Variants in NDST4 observed in about 807,000 individuals in gnomAD.
NDST4 encodes the protein N-deacetylase and N-sulfotransferase 4.
Under a neutral mutation model 100.8 loss-of-function variants are expected in NDST4, and 63 were observed. That is an observed-to-expected ratio of 0.62 (90% confidence interval 0.51 to 0.77). NDST4 has a LOEUF of 0.77. Among genes scored for constraint, NDST4 ranks in the 30% least tolerant of loss-of-function variants. NDST4 has a pLI of 0.00. For missense variants in NDST4, 943 were observed against 1,018.4 expected (o/e 0.93, Z 1.01); for synonymous variants, 377 against 361.8 (o/e 1.04, Z -0.48).
At chr4:114,867,787 T>C (rs1467244378) in intron 7 of NDST4, among the ~76,000 whole-genome samples, 1 of 151,906 alleles carries the variant, frequency 6.6e-6, no homozygotes, top group African/African-American at 2.4e-5. Context: ...TTAAGAGTCT[T>C]ACACACTAAG....
At position 114,897,363 on chromosome 4, in the gene NDST4, T is replaced by C. The variant is rs540984267; in HGVS notation, c.1537-26413A>G. 5.9e-5 allele frequency among the ~76,000 whole-genome samples: 9 copies of C among 152,338 alleles called. No individual in the cohort carries two copies. The East Asian group carries it at 1.5e-3, about 26-fold the overall frequency. On this transcript the variant is annotated intron_variant, in intron 6 of 13. Transcript: ENST00000264363. ...TTTAAGATTGACTTCTTTCACTTAATAATATACATTTAAGTTTCTTCCATG... is the reference window on the plus strand; with the variant it reads ...TTTAAGATTGACTTCTTTCACTTAACAATATACATTTAAGTTTCTTCCATG...
chr4:114,832,705 A>G (rs1217971335), intron 12 of NDST4, among the ~76,000 whole-genome samples: 1 of 152,114 alleles, frequency 6.6e-6, no homozygotes. Flanking sequence ...TATTGTAACA[A>G]GTAGAATGTA....
Position 114,910,803 on chromosome 4 carries a change from T to A in NDST4, c.1536+24403A>T, listed in dbSNP as rs531038752. Among the ~76,000 whole-genome samples the A allele has an allele frequency of 2.0e-5, 3 of 152,350 alleles. No individual in the cohort carries two copies. The East Asian group carries it at 5.8e-4, about 29-fold the overall frequency. ...CCAGTATTCCACATCTTAGTAAACA[T>A]GCTTTCACTCACCTGCTCTTCAGGC... On this transcript the variant is annotated intron_variant, in intron 6 of 13. Coordinates refer to ENST00000264363, the MANE Select transcript of NDST4 (RefSeq NM_022569.3).
chr4:114,923,274 T>C (rs1163248097), intron 6 of NDST4, among the ~76,000 whole-genome samples: 1 of 152,182 alleles, frequency 6.6e-6, no homozygotes. Flanking sequence ...ATATTTTTAT[T>C]TTCACTGTAT....
chr4:115,066,707 T>G (rs1466670480), intron 2 of NDST4, among the ~76,000 whole-genome samples: 1 of 152,178 alleles, frequency 6.6e-6, no homozygotes, highest in Non-Finnish European at 1.5e-5. Context: ...AAATAGTACA[T>G]TGAATTCTCA....
chr4:114,830,735 G>T (rs1723178759), intron 12 of NDST4, among the ~76,000 whole-genome samples: 2 of 152,180 alleles, frequency 1.3e-5, no homozygotes. Flanking sequence ...ACATCGAAAA[G>T]GTTTGCATTT....
chr4:114,934,581 A>AAAAAAT (rs1725586347), intron 6 of NDST4, among the ~76,000 whole-genome samples: 1 of 151,358 alleles, frequency 6.6e-6, no homozygotes, highest in African/African-American at 2.4e-5. Context: ...ATAAAAATAA[A>AAAAAAT]AAAAATAAAA....
At chr4:115,024,026 C>T (rs901881502) in intron 2 of NDST4, among the ~76,000 whole-genome samples, 2 of 152,122 alleles carry the variant, frequency 1.3e-5, no homozygotes, top group Non-Finnish European at 1.5e-5. Context: ...TGGCAGTGAC[C>T]ATATGGTGCT....
intron 4 of NDST4, among the ~76,000 whole-genome samples, chr4:114,946,987 T>C (rs1269381662): frequency 2.6e-5 from 4 of 152,146 alleles, no homozygotes; most frequent in African/African-American, 9.7e-5. Context: ...GTCGATTTTT[T>C]TTCATTGAAA....
chr4:114,923,466 A>T (rs1725327910), intron 6 of NDST4, among the ~76,000 whole-genome samples: 1 of 152,166 alleles, frequency 6.6e-6, no homozygotes, highest in Non-Finnish European at 1.5e-5. Context: ...AATAAAATCT[A>T]GCATTTTGAA....
chr4:114,947,250 G>A (rs999470750), intron 4 of NDST4, among the ~76,000 whole-genome samples: 1 of 152,092 alleles, frequency 6.6e-6, no homozygotes, highest in African/African-American at 2.4e-5. Context: ...CCAGGGTTGA[G>A]GCTCTATAGG....
intron 6 of NDST4, among the ~76,000 whole-genome samples, chr4:114,918,368 A>C (rs1354836795): frequency 8.0e-6 from 1 of 124,968 alleles, no homozygotes; most frequent in Non-Finnish European, 1.6e-5. Context: ...CAGGAAGAGG[A>C]ATATCACACT....
chr4:115,068,978 G>GAGAA (rs1729013493), intron 2 of NDST4, among the ~76,000 whole-genome samples: 1 of 152,016 alleles, frequency 6.6e-6, no homozygotes. Context: ...CTAGATGTAT[G>GAGAA]AGAAAAACTG....
chr4:114,978,555 A>T, intron 2 of NDST4, among the ~76,000 whole-genome samples: 1 of 152,122 alleles, frequency 6.6e-6, no homozygotes, highest in East Asian at 1.9e-4. Flanking sequence ...TATTAAAAAT[A>T]CATTTCTCAT....
At chr4:114,855,747 G>T (rs1723779467) in intron 7 of NDST4, among the ~76,000 whole-genome samples, 1 of 152,126 alleles carries the variant, frequency 6.6e-6, no homozygotes, top group Admixed American at 6.5e-5. Flanking sequence ...GATGACTTTG[G>T]CTATTCTGGG....
At chr4:114,879,536 ATTTG>A (rs1162374993) in intron 6 of NDST4, among the ~76,000 whole-genome samples, 1 of 152,028 alleles carries the variant, frequency 6.6e-6, no homozygotes, top group Non-Finnish European at 1.5e-5. Flanking sequence ...CATATTATGT[ATTTG>A]TTTGGGTATT....
At chr4:114,868,958 ATATATAT>A (rs1371132239) in intron 7 of NDST4, among the ~76,000 whole-genome samples, 1 of 148,948 alleles carries the variant, frequency 6.7e-6, no homozygotes, top group Non-Finnish European at 1.5e-5. Flanking sequence ...ATATATATAT[ATATATAT>A]ATTTCTTATA....
chr4:114,901,433 A>G (rs1327490172), intron 6 of NDST4, among the ~76,000 whole-genome samples: 1 of 152,032 alleles, frequency 6.6e-6, no homozygotes, highest in East Asian at 1.9e-4. Flanking sequence ...CTCTGTCTGA[A>G]GTTAATATAT....
At chr4:114,850,064 T>A (rs949229831) in intron 8 of NDST4, among the ~76,000 whole-genome samples, 1 of 152,186 alleles carries the variant, frequency 6.6e-6, no homozygotes, top group Admixed American at 6.5e-5. Context: ...AAATACTTTT[T>A]AAGATAACAC....
Sources: allele counts gnomAD v4.1 joint callset (sites outside exome capture counted in the v4.1 genomes callset), GRCh38; gene constraint gnomAD v4.1.1; transcripts MANE v1.5; gene names NCBI Gene and HGNC (gene_info 2026-07-23, HGNC 2026-07-21).